The following ADAMTSL2 variants were observed in gnomAD, a reference collection of about 807,000 sequenced individuals.
The protein encoded by ADAMTSL2 is ADAMTS like 2.
Under a neutral mutation model 117.0 loss-of-function variants are expected in ADAMTSL2, and 55 were observed. That is an observed-to-expected ratio of 0.47 (90% CI 0.38 to 0.59). ADAMTSL2 has a LOEUF of 0.59. ADAMTSL2 is among the 20% of genes least tolerant of loss of function. The pLI, the probability that ADAMTSL2 is intolerant of heterozygous loss-of-function variation, is 0.00. For synonymous variants in ADAMTSL2, 572 were observed against 566.4 expected (o/e 1.01, Z -0.14); for missense variants, 1,182 against 1,354.5 (o/e 0.87, Z 2.00).
At position 133,555,542 on chromosome 9, in the gene ADAMTSL2, C is replaced by G; in HGVS notation, c.1277-16C>G. 1 of 1,612,942 alleles carries G rather than the reference C, an allele frequency of 6.2e-7. No homozygotes were observed. Among genetic ancestry groups the G allele is most frequent in the Admixed American group, 1.7e-5 (1 of 60,030 alleles). On this transcript the variant is annotated splice_polypyrimidine_tract_variant and intron_variant, in intron 10 of 18. Coordinates refer to ENST00000651351, the MANE Select transcript of ADAMTSL2 (RefSeq NM_014694.4). ...CTCGGATGTGCCCACGGTTGAGCCA[C>G]CTGTCTCCTCTCCAGACCGCAACGT...
chr9:133,569,879 G>C (rs1372277963), intron 16 of ADAMTSL2, among the ~76,000 whole-genome samples: 6 of 152,308 alleles, frequency 3.9e-5, no homozygotes, highest in African/African-American at 9.6e-5. Context: ...GGTTGTTTTG[G>C]CTGCCTGCTC....
intron 3 of ADAMTSL2, among the ~76,000 whole-genome samples, chr9:133,537,882 GC>G (rs1006616464): frequency 3.9e-5 from 6 of 152,214 alleles, no homozygotes; most frequent in Non-Finnish European, 7.3e-5. Context: ...ATGCCAGGGA[GC>G]CCCGGGAGAA....
upstream of ADAMTSL2, chr9:133,534,698 G>C (rs1830005974): frequency 7.4e-7 from 1 of 1,356,500 alleles, no homozygotes; most frequent in Non-Finnish European, 9.5e-7. Context: ...CCGGCGCAGA[G>C]CCGCCACTGG....
intron 9 of ADAMTSL2, among the ~76,000 whole-genome samples, chr9:133,550,998 A>G (rs949730558): frequency 1.3e-5 from 2 of 151,854 alleles, no homozygotes; most frequent in East Asian, 1.9e-4. Context: ...CTGGTCCCCA[A>G]CCTTCTGATC....
At chr9:133,546,661 T>A (rs1006860836) in intron 8 of ADAMTSL2, among the ~76,000 whole-genome samples, 2 of 152,200 alleles carry the variant, frequency 1.3e-5, no homozygotes, top group Non-Finnish European at 2.9e-5. Context: ...GGACCCCTGC[T>A]GCCTCGTGTG....
chr9:133,553,737 A>G lies in ADAMTSL2; in HGVS notation c.940-620A>G, dbSNP rs552804784. Among the ~76,000 whole-genome samples the G allele has an allele frequency of 3.9e-5, 6 of 152,240 alleles. No homozygotes were observed. The East Asian group carries it at 1.2e-3, about 29-fold the overall frequency. On this transcript the variant is annotated intron_variant, in intron 9 of 18. Transcript: ENST00000651351. ...CTGACACCAGCTGGTTTTGGTTGGA[A>G]TCTCTGGAAAAAGCAACTCCTGGAG...
chr9:133,532,886 G>A (rs970390716), upstream of ADAMTSL2, among the ~76,000 whole-genome samples: 3 of 152,204 alleles, frequency 2.0e-5, no homozygotes, highest in Non-Finnish European at 4.4e-5. Context: ...CCACAGACCC[G>A]TCTCCCAGGT....
At position 133,570,380 on chromosome 9, in the gene ADAMTSL2, T is replaced by C; in HGVS notation, c.2465T>C (p.Met822Thr). Residue 822 changes from methionine (M) to threonine (T), a missense_variant, in exon 17 of 19, where the codon ATG (methionine) becomes ACG (threonine). Transcript: ENST00000651351. ...GTCAAGAAGCGGCTGGTGCTCTGCA[T>C]GGAGCTGGCCAACGGGAAGCCGCAG... ...RGVKKRLVLC[M>T]ELANGKPQTR... The C allele has an allele frequency of 1.3e-6, 2 of 1,562,482 alleles. No homozygotes were observed. The highest frequency in any genetic ancestry group is 1.2e-5 in the South Asian group (1 of 85,094).
chr9:133,534,768 G>C lies in ADAMTSL2; in HGVS notation c.-300G>C. The C allele has an allele frequency of 2.7e-6, 4 of 1,461,660 alleles. No homozygotes were observed. Among genetic ancestry groups the C allele is most frequent in the Non-Finnish European group, 3.6e-6 (4 of 1,100,452 alleles). The allele number at this position is 1,461,660 out of a possible 1,614,324, so 90.5% of individuals were successfully genotyped here. On this transcript the variant is annotated 5_prime_UTR_variant, in exon 1 of 19. Coordinates refer to ENST00000651351, the MANE Select transcript of ADAMTSL2 (RefSeq NM_014694.4). ...GCTCTTTGAAGTGGGAGAGGGAGGC[G>C]GCGCGGGGGAGGAGGGGAAGGGGAG...
intron 15 of ADAMTSL2, 41 bp from the exon 16 acceptor site, chr9:133,569,367 G>A: frequency 6.2e-7 from 1 of 1,605,320 alleles, no homozygotes; most frequent in South Asian, 1.1e-5. Context: ...TGGTGTGGCT[G>A]CCTCTCACTG....
chr9:133,567,681 G>A lies in ADAMTSL2; in HGVS notation c.1875-592G>A, dbSNP rs1279792223. On this transcript the variant is annotated intron_variant, in intron 13 of 18. Transcript: ENST00000651351. ...CTCCATCTGGGGCCTCCCACTTCCT[G>A]CACGTTTGCTCCTTTCTGGGAAGGG... Among the ~76,000 whole-genome samples, 4 of 152,208 alleles carry A rather than the reference G, an allele frequency of 2.6e-5. No homozygotes were observed. The East Asian group carries it at 5.8e-4, about 22-fold the overall frequency.
At chr9:133,543,240 G>A (rs1238533655) in intron 7 of ADAMTSL2, among the ~76,000 whole-genome samples, 1 of 152,146 alleles carries the variant, frequency 6.6e-6, no homozygotes, top group East Asian at 1.9e-4. Flanking sequence ...TATCTGTGTG[G>A]CAAAAACACC....
intron 9 of ADAMTSL2, among the ~76,000 whole-genome samples, chr9:133,552,711 G>C (rs1453205593): frequency 2.6e-5 from 4 of 152,224 alleles, no homozygotes; most frequent in African/African-American, 9.6e-5. Flanking sequence ...ACTTGGTGGA[G>C]GGTGCAGCAC....
rs753767762 is a variant in ADAMTSL2 at position 133,554,434 on chromosome 9, C to T, written c.1017C>T (p.Pro339=). 63 of 1,564,538 alleles carry T rather than the reference C, an allele frequency of 4.0e-5. No individual in the cohort carries two copies. The South Asian group carries it at 7.3e-4, about 18-fold the overall frequency. The change falls in exon 10 of 19, where the codon CCC becomes CCT. Residue 339 remains proline, a synonymous_variant. Transcript: ENST00000651351. This position sits in a 1 kb window ranked among gnomAD's most constrained non-coding sequence, Gnocchi z 5.2. ...TLLQPPHESR[P]QPIYYGFSES... ...TGCAGCCGCCACACGAGAGCCGCCC[C>T]CAGCCCATCTACTATGGCTTCTCCG... is the stretch of plus-strand genomic sequence containing the variant.
intron 15 of ADAMTSL2, 56 bp from the exon 16 acceptor site, chr9:133,569,352 C>T (rs1291049586): frequency 6.3e-7 from 1 of 1,583,036 alleles, no homozygotes; most frequent in African/African-American, 1.3e-5. Flanking sequence ...ATCCAGGGCC[C>T]CTCCTGGTGT....
chr9:133,571,089 C>T (rs1428512569), intron 17 of ADAMTSL2, among the ~76,000 whole-genome samples: 1 of 152,136 alleles, frequency 6.6e-6, no homozygotes, highest in Non-Finnish European at 1.5e-5. Flanking sequence ...ATGCTGAGAT[C>T]GCGGTTCTCT....
chr9:133,554,620 G>A lies in ADAMTSL2; in HGVS notation c.1203G>A (p.Gln401=). 6.5e-7 allele frequency: 1 copy of A among 1,546,972 alleles called. No individual in the cohort carries two copies. Residue 401 remains glutamine (Q), a synonymous_variant, in exon 10 of 19, where the codon CAG becomes CAA. Transcript: ENST00000651351. This position sits in a 1 kb window ranked among gnomAD's most constrained non-coding sequence, Gnocchi z 5.2. ...LDMELGPSQG[Q]ETNEVCEQAG... is the part of the protein sequence containing the mutation. ...TGGAGCTGGGCCCCAGCCAGGGCCA[G>A]GAGACCAACGAGGTGTGCGAGCAGG...
At chr9:133,561,093 C>T (rs1830716495) in intron 11 of ADAMTSL2, 105 bp from the exon 12 acceptor site, 1 of 935,244 alleles carries the variant, frequency 1.1e-6, no homozygotes, top group African/African-American at 1.6e-5. Flanking sequence ...GTGTGTGCTT[C>T]AGGCGAACAT....
chr9:133,554,299 G>A lies in ADAMTSL2; in HGVS notation c.940-58G>A, dbSNP rs1273675920. ...CTGCAGCTCTGTGGGAAGGGGATTGGTGGGGAAGGGGCTGGACAGAGTAAG... is the reference window on the plus strand; with the variant it reads ...CTGCAGCTCTGTGGGAAGGGGATTGATGGGGAAGGGGCTGGACAGAGTAAG... On this transcript the variant is annotated intron_variant, in intron 9 of 18. Coordinates refer to ENST00000651351, the MANE Select transcript of ADAMTSL2 (RefSeq NM_014694.4). The surrounding 1 kb of genome is among the most constrained non-coding windows in gnomAD (Gnocchi z 5.2). 7 of 1,445,200 alleles carry A rather than the reference G, an allele frequency of 4.8e-6. No individual in the cohort carries two copies. In the African/African-American group the frequency reaches 5.6e-5, roughly 12 times the overall value. The allele number at this position is 1,445,200 out of a possible 1,614,324, so 89.5% of individuals were successfully genotyped here.
Sources: gnomAD v4.1 joint callset for allele counts (sites outside exome capture counted in the v4.1 genomes callset) on GRCh38, gnomAD v4.1.1 for gene constraint, Gnocchi (gnomAD v3.1) non-coding constraint, MANE v1.5 for transcripts, NCBI Gene and HGNC (gene_info 2026-07-23, HGNC 2026-07-21) for gene names.